ARHGAP26: variants seen among roughly 807,000 people sequenced by gnomAD.
ARHGAP26 encodes rho GTPase-activating protein 26.
In ARHGAP26, 38 loss-of-function variants were observed where a neutral mutation model predicts 104.8. The observed-to-expected ratio is 0.36, with a 90% CI of 0.28 to 0.48. ARHGAP26 has a LOEUF of 0.48. ARHGAP26 is among the 20% of genes least tolerant of loss of function. The pLI is 0.99. For missense variants in ARHGAP26, 704 were observed against 947.9 expected, an observed-to-expected ratio of 0.74 and a Z score of 3.38; for synonymous variants, 341 against 340.0, an observed-to-expected ratio of 1.00 and a Z score of -0.03.
rs963049918 is a variant in ARHGAP26, at chr5:143,224,535, G to C, written c.*2089G>C. The C allele has an allele frequency of 4.3e-6, 1 of 231,086 alleles. No homozygotes were observed. Among genetic ancestry groups the C allele is most frequent in the Non-Finnish European group, 8.6e-6 (1 of 116,762 alleles). 14.3% of individuals were successfully genotyped at this position (231,086 alleles called of 1,614,324 possible). On this transcript the variant is annotated 3_prime_UTR_variant, in exon 23 of 23. Transcript: ENST00000645722. Reference sequence around the variant, plus strand: ...ATTCGAGTTTTTGTCTTTCTTCTCAGGTGTATTTCTTGGTACCCCCAAGAT... The same window carrying C: ...ATTCGAGTTTTTGTCTTTCTTCTCACGTGTATTTCTTGGTACCCCCAAGAT...
intron 14 of ARHGAP26, among the ~76,000 whole-genome samples, chr5:143,051,944 A>G (rs1785099305): frequency 6.6e-6 from 1 of 152,128 alleles, no homozygotes; most frequent in Non-Finnish European, 1.5e-5. Context: ...ACCATGCAGG[A>G]TGGCAGCTCT....
At chr5:143,061,681 G>A (rs1218935587) in intron 17 of ARHGAP26, among the ~76,000 whole-genome samples, 2 of 152,156 alleles carry the variant, frequency 1.3e-5, no homozygotes, top group African/African-American at 4.8e-5. Context: ...AAGGAGATCT[G>A]TTGTGTCATG....
At chr5:143,180,125 C>A (rs896266227) in intron 20 of ARHGAP26, among the ~76,000 whole-genome samples, 4 of 151,840 alleles carry the variant, frequency 2.6e-5, no homozygotes, top group African/African-American at 9.7e-5. Flanking sequence ...AATTCTCTCT[C>A]TTTTTTTTGT....
intron 1 of ARHGAP26, among the ~76,000 whole-genome samples, chr5:142,801,025 A>G (rs1351438780): frequency 6.6e-6 from 1 of 152,186 alleles, no homozygotes; most frequent in Non-Finnish European, 1.5e-5. Context: ...TTGCCTGTAC[A>G]ATTCAGTCAT....
chr5:142,808,939 G>T (rs147929930), intron 1 of ARHGAP26, among the ~76,000 whole-genome samples: 1 of 152,188 alleles, frequency 6.6e-6, no homozygotes, highest in Non-Finnish European at 1.5e-5. Flanking sequence ...TTAAGCTTGT[G>T]TCCTTGTCCT....
intron 10 of ARHGAP26, 146 bp from the exon 11 acceptor site, chr5:142,931,901 C>A: frequency 2.8e-6 from 2 of 710,900 alleles, no homozygotes; most frequent in Non-Finnish European, 4.9e-6. Flanking sequence ...TAGAAGGTGG[C>A]TTAGTAAAGC....
At chr5:142,970,492 C>T (rs1473969535) in intron 11 of ARHGAP26, among the ~76,000 whole-genome samples, 1 of 152,228 alleles carries the variant, frequency 6.6e-6, no homozygotes, top group Non-Finnish European at 1.5e-5. Flanking sequence ...TCTGGCGGCT[C>T]CAACCTCATA....
chr5:143,104,505 T>C (rs1793718536), intron 17 of ARHGAP26, among the ~76,000 whole-genome samples: 1 of 152,134 alleles, frequency 6.6e-6, no homozygotes, highest in Non-Finnish European at 1.5e-5. Flanking sequence ...AGTGAGAACC[T>C]GTCTCAAAAA....
chr5:142,889,575 G>A (rs1161372303), intron 5 of ARHGAP26, among the ~76,000 whole-genome samples: 2 of 151,964 alleles, frequency 1.3e-5, no homozygotes, highest in Non-Finnish European at 2.9e-5. Context: ...CTGAGATCAT[G>A]CCACTCCACT....
At chr5:142,897,697 T>A (rs1235697003) in intron 6 of ARHGAP26, among the ~76,000 whole-genome samples, 1 of 152,260 alleles carries the variant, frequency 6.6e-6, no homozygotes, top group Non-Finnish European at 1.5e-5. Context: ...TGTACCGTGC[T>A]AAGCGCTTTA....
intron 17 of ARHGAP26, among the ~76,000 whole-genome samples, chr5:143,106,802 G>A (rs981520820): frequency 6.6e-6 from 1 of 152,056 alleles, no homozygotes; most frequent in Non-Finnish European, 1.5e-5. Context: ...GTCTCAGGCA[G>A]GCATTGCTGA....
intron 1 of ARHGAP26, among the ~76,000 whole-genome samples, chr5:142,816,669 G>T (rs559245298): frequency 3.7e-4 from 57 of 152,350 alleles, no homozygotes; most frequent in African/African-American, 1.3e-3. Flanking sequence ...ACATGGTTTG[G>T]CTGGAGCCCA....
At chr5:143,130,018 C>A (rs1261886617) in intron 18 of ARHGAP26, among the ~76,000 whole-genome samples, 1 of 152,148 alleles carries the variant, frequency 6.6e-6, no homozygotes, top group Non-Finnish European at 1.5e-5. Flanking sequence ...TCTTAAGTTC[C>A]TTTCCTGTAT....
intron 11 of ARHGAP26, among the ~76,000 whole-genome samples, chr5:142,978,751 T>G (rs1192690488): frequency 6.6e-6 from 1 of 150,664 alleles, no homozygotes. Flanking sequence ...GTTTGCCTTT[T>G]TTTTTTTTTT....
chr5:142,926,317 C>G (rs2152518438), intron 10 of ARHGAP26, among the ~76,000 whole-genome samples: 1 of 152,208 alleles, frequency 6.6e-6, no homozygotes. Flanking sequence ...AATTCCAGAT[C>G]CTCGTTCATG....
intron 17 of ARHGAP26, among the ~76,000 whole-genome samples, chr5:143,109,594 A>G (rs1020910339): frequency 1.3e-5 from 2 of 152,046 alleles, no homozygotes; most frequent in Admixed American, 6.5e-5. Context: ...AGCTGGGACT[A>G]CAGGCACACC....
At chr5:143,137,733 G>A (rs946905172) in intron 19 of ARHGAP26, among the ~76,000 whole-genome samples, 18 of 152,172 alleles carry the variant, frequency 1.2e-4, no homozygotes, top group African/African-American at 1.9e-4. Context: ...TCTCCAGTCC[G>A]CAGTTGAAAT....
chr5:143,138,120 G>A (rs1023210823), intron 19 of ARHGAP26, among the ~76,000 whole-genome samples: 1 of 152,166 alleles, frequency 6.6e-6, no homozygotes, highest in Non-Finnish European at 1.5e-5. Flanking sequence ...TAATCTATGG[G>A]TATTAGTATA....
intron 19 of ARHGAP26, among the ~76,000 whole-genome samples, chr5:143,142,360 T>C (rs769058214): frequency 3.7e-4 from 56 of 152,038 alleles, no homozygotes; most frequent in Non-Finnish European, 7.1e-4. Flanking sequence ...GCTGCTAGTC[T>C]CGAACTCCTG....
Sources: allele counts gnomAD v4.1 joint callset (sites outside exome capture counted in the v4.1 genomes callset), GRCh38; gene constraint gnomAD v4.1.1; transcripts MANE v1.5; gene names NCBI Gene and HGNC (gene_info 2026-07-23, HGNC 2026-07-21).